EML4: variants seen among roughly 807,000 people sequenced by gnomAD.
EML4 encodes the protein EMAP like 4.
EML4 carries 72 observed loss-of-function variants against 129.0 expected under a neutral mutation model. The ratio of observed to expected loss-of-function variants is 0.56; its 90% CI spans 0.46 to 0.68. The LOEUF (loss-of-function observed/expected upper bound fraction) is 0.68, where lower values mean the gene tolerates loss of function less well. Among genes scored for constraint, EML4 ranks in the 30% least tolerant of loss-of-function variants. The pLI, the probability that EML4 is intolerant of heterozygous loss-of-function variation, is 0.00. For synonymous variants in EML4, 532 were observed against 405.0 expected, an observed-to-expected ratio of 1.31 and a Z score of -3.77; for missense variants, 1,363 against 1,190.6, an observed-to-expected ratio of 1.14 and a Z score of -2.13.
intron 1 of EML4, among the ~76,000 whole-genome samples, chr2:42,188,923 T>G (rs970798553): frequency 2.0e-5 from 3 of 152,182 alleles, no homozygotes; most frequent in African/African-American, 7.2e-5. Flanking sequence ...TGAGCCCAGG[T>G]AGGCAGCATT....
At chr2:42,186,652 T>C (rs1031178190) in intron 1 of EML4, among the ~76,000 whole-genome samples, 1 of 152,228 alleles carries the variant, frequency 6.6e-6, no homozygotes, top group African/African-American at 2.4e-5. Context: ...TTTGGGGATT[T>C]GTCTGGCATT....
intron 6 of EML4, among the ~76,000 whole-genome samples, chr2:42,279,311 G>A (rs905260190): frequency 6.6e-6 from 1 of 152,138 alleles, no homozygotes; most frequent in Admixed American, 6.5e-5. Flanking sequence ...AAAATACCCA[G>A]TAGTGGGATT....
chr2:42,288,575 A>G (rs1408944602), intron 11 of EML4: 1 of 220,244 alleles, frequency 4.5e-6, no homozygotes, highest in Admixed American at 5.7e-5. Context: ...ATGCCAGAGT[A>G]GATGGATGTG....
chr2:42,186,055 G>T (rs1671233185), intron 1 of EML4, among the ~76,000 whole-genome samples: 1 of 152,164 alleles, frequency 6.6e-6, no homozygotes, highest in Non-Finnish European at 1.5e-5. Flanking sequence ...CCAAAAAACT[G>T]TAAGTGGGAT....
At chr2:42,327,981 AGCCTAATAG>A (rs1669898663) in intron 21 of EML4, among the ~76,000 whole-genome samples, 1 of 152,258 alleles carries the variant, frequency 6.6e-6, no homozygotes, top group African/African-American at 2.4e-5. Flanking sequence ...AAGACAGAGA[AGCCTAATAG>A]GCCAGGAAGG....
chr2:42,284,786 T>A, intron 9 of EML4, 83 bp downstream of exon 9: 1 of 1,012,532 alleles, frequency 9.9e-7, no homozygotes, highest in Non-Finnish European at 1.4e-6. Context: ...CCACAACTCA[T>A]TTGTTTTATT....
intron 19 of EML4, among the ~76,000 whole-genome samples, chr2:42,317,798 A>AT (rs896116843): frequency 6.6e-5 from 10 of 152,222 alleles, no homozygotes; most frequent in African/African-American, 2.2e-4. Context: ...AACCTTTAGA[A>AT]TAACACTTTT....
chr2:42,191,968 C>T (rs1054448647), intron 1 of EML4, among the ~76,000 whole-genome samples: 4 of 151,924 alleles, frequency 2.6e-5, no homozygotes, highest in African/African-American at 9.7e-5. Context: ...GGTGAAACTC[C>T]ATCCCTACTA....
chr2:42,218,857 T>A (rs1572565224), intron 1 of EML4, among the ~76,000 whole-genome samples: 1 of 151,948 alleles, frequency 6.6e-6, no homozygotes, highest in Non-Finnish European at 1.5e-5. Context: ...AGAGAGGGGG[T>A]CTTGCTGTGT....
chr2:42,237,212 G>A (rs1447926151), intron 1 of EML4, among the ~76,000 whole-genome samples: 8 of 152,032 alleles, frequency 5.3e-5, no homozygotes, highest in Admixed American at 5.2e-4. Flanking sequence ...TGGGATTGTG[G>A]GCATGAGCTA....
At chr2:42,306,878 C>G (rs902701613) in intron 17 of EML4, among the ~76,000 whole-genome samples, 1 of 152,066 alleles carries the variant, frequency 6.6e-6, no homozygotes, top group African/African-American at 2.4e-5. Context: ...AGACAGGAAA[C>G]CAAGACCCAT....
At chr2:42,223,477 G>T (rs914554228) in intron 1 of EML4, among the ~76,000 whole-genome samples, 2 of 152,052 alleles carry the variant, frequency 1.3e-5, no homozygotes, top group African/African-American at 4.8e-5. Context: ...GAAGTTTAAC[G>T]ATTATCTCTG....
At chr2:42,258,487 A>G (rs558065172) in intron 3 of EML4, among the ~76,000 whole-genome samples, 1 of 151,872 alleles carries the variant, frequency 6.6e-6, no homozygotes, top group East Asian at 1.9e-4. Context: ...CGCAACCTGC[A>G]CCTCCCGTGT....
At chr2:42,199,384 A>G (rs12614424) in intron 1 of EML4, among the ~76,000 whole-genome samples, 34,530 of 152,118 alleles carry the variant, frequency 0.23, 4,745 homozygotes, top group East Asian at 0.56. Context: ...CAAAACTTAT[A>G]TGTAATTTGG....
intron 6 of EML4, among the ~76,000 whole-genome samples, chr2:42,277,226 T>C (rs1666704467): frequency 6.6e-6 from 1 of 152,194 alleles, no homozygotes; most frequent in African/African-American, 2.4e-5. Flanking sequence ...ATATCTGCCT[T>C]CAGAAAGTTT....
At chr2:42,309,825 TG>T (rs1406797507) in intron 17 of EML4, among the ~76,000 whole-genome samples, 2 of 152,340 alleles carry the variant, frequency 1.3e-5, no homozygotes, top group Admixed American at 1.3e-4. Context: ...ATTCTGAGGG[TG>T]GTCTTTTCAC....
intron 1 of EML4, among the ~76,000 whole-genome samples, chr2:42,221,345 G>A (rs1015944058): frequency 6.7e-6 from 1 of 149,934 alleles, no homozygotes; most frequent in Non-Finnish European, 1.5e-5. Flanking sequence ...GCATGTGTAT[G>A]CTCTAGAAAT....
At chr2:42,289,470 G>T (rs1667499448) in intron 11 of EML4, 1 of 151,986 alleles carries the variant, frequency 6.6e-6, no homozygotes, top group Non-Finnish European at 1.5e-5. Context: ...ATCTCTAACA[G>T]GTTTAACTCA....
chr2:42,182,298 T>A (rs1670993604), intron 1 of EML4, among the ~76,000 whole-genome samples: 1 of 122,362 alleles, frequency 8.2e-6, no homozygotes, highest in African/African-American at 3.0e-5. Flanking sequence ...CCCAGTGCTA[T>A]CCCTCCCCCC....
Sources: allele counts gnomAD v4.1 joint callset (sites outside exome capture counted in the v4.1 genomes callset), GRCh38; gene constraint gnomAD v4.1.1; transcripts MANE v1.5; gene names NCBI Gene and HGNC (gene_info 2026-07-23, HGNC 2026-07-21).